The following TET2 variants were observed in gnomAD, a reference collection of about 807,000 sequenced individuals.
The protein encoded by TET2 is methylcytosine dioxygenase TET2.
In TET2, 299 loss-of-function variants were observed where a neutral mutation model predicts 142.9. That is an observed-to-expected ratio of 2.09 (90% confidence interval 1.90 to 2.30). The LOEUF (loss-of-function observed/expected upper bound fraction) is 2.30, where lower values mean the gene tolerates loss of function less well. Ranked by LOEUF, TET2 falls within the 30% of genes most tolerant of loss-of-function variation. The pLI, the probability that TET2 is intolerant of heterozygous loss-of-function variation, is 0.00. For missense variants in TET2, 2,418 were observed against 2,378.0 expected (o/e 1.02, Z -0.35); for synonymous variants, 819 against 849.0 (o/e 0.96, Z 0.61).
At chr4:105,274,749 G>C (rs966086494) in intron 10 of TET2, among the ~76,000 whole-genome samples, 1 of 152,118 alleles carries the variant, frequency 6.6e-6, no homozygotes, top group Non-Finnish European at 1.5e-5. Context: ...GGAGGAAAAG[G>C]GAGGCACTTC....
intron 2 of TET2, among the ~76,000 whole-genome samples, chr4:105,218,695 C>A (rs1727637737): frequency 6.6e-6 from 1 of 151,992 alleles, no homozygotes; most frequent in Non-Finnish European, 1.5e-5. Flanking sequence ...CAAAACTCAG[C>A]ATTCTTGTTC....
chr4:105,222,577 G>T (rs1578648060), intron 2 of TET2, among the ~76,000 whole-genome samples: 1 of 152,092 alleles, frequency 6.6e-6, no homozygotes, highest in African/African-American at 2.4e-5. Context: ...TTTTTTTCTT[G>T]TAAATTTGTT....
At chr4:105,250,371 C>T (rs1029434426) in intron 6 of TET2, among the ~76,000 whole-genome samples, 1 of 123,266 alleles carries the variant, frequency 8.1e-6, no homozygotes, top group Non-Finnish European at 1.7e-5. Flanking sequence ...TTCTCCGTTT[C>T]CTTTCTGGAT....
In TET2 at chr4:105,276,626, C is replaced by A; in HGVS notation, c.*107C>A. 7.7e-7 allele frequency: 1 copy of A among 1,293,658 alleles called. No individual in the cohort carries two copies. The highest frequency in any genetic ancestry group is 1.0e-6 in the Non-Finnish European group (1 of 961,582). 80.1% of individuals were successfully genotyped at this position (1,293,658 alleles called of 1,614,324 possible). A position where few individuals can be genotyped will look rare whatever the true frequency, so the allele number is the denominator to read the frequency against. ...TGGGGAAAGGTCACAGTATTCATGA[C>A]AAATGTGGTGGGAAAAACCTCAGCT... On this transcript the variant is annotated 3_prime_UTR_variant, in exon 11 of 11. Coordinates refer to ENST00000380013, the MANE Select transcript of TET2 (RefSeq NM_001127208.3).
chr4:105,183,037 G>A (rs955408446), intron 1 of TET2, among the ~76,000 whole-genome samples: 5 of 152,080 alleles, frequency 3.3e-5, no homozygotes, highest in African/African-American at 9.7e-5. Flanking sequence ...CCCAAAATAC[G>A]AAAAATAAAA....
At chr4:105,216,317 T>TATTG (rs1454841125) in intron 2 of TET2, among the ~76,000 whole-genome samples, 6 of 152,142 alleles carry the variant, frequency 3.9e-5, no homozygotes, top group Non-Finnish European at 5.9e-5. Flanking sequence ...TTGCTTTGAA[T>TATTG]TTTAATCAAA....
chr4:105,153,239 A>G (rs1007342169), intron 1 of TET2, among the ~76,000 whole-genome samples: 2 of 152,246 alleles, frequency 1.3e-5, no homozygotes, highest in Admixed American at 1.3e-4. Context: ...CTATAATATC[A>G]TATCACAACC....
At position 105,236,489 on chromosome 4, in the gene TET2, A is replaced by G; in HGVS notation, c.2547A>G (p.Thr849=). Residue 849 remains threonine, a synonymous_variant, in exon 3 of 11, where the codon ACA becomes ACG. Transcript: ENST00000380013. ...HLVSENKEQT[T]HPELFAGNKT... ...TTTCAGAGAATAAAGAACAGACTAC[A>G]CATCCTGAACTTTTTGCAGGAAACA... The G allele has an allele frequency of 6.2e-7, 1 of 1,614,146 alleles. No individual in the cohort carries two copies. Among genetic ancestry groups the G allele is most frequent in the Non-Finnish European group, 8.5e-7 (1 of 1,180,024 alleles).
chr4:105,172,085 G>A (rs920298692), intron 1 of TET2, among the ~76,000 whole-genome samples: 1 of 152,158 alleles, frequency 6.6e-6, no homozygotes, highest in African/African-American at 2.4e-5. Context: ...AAATTTCACT[G>A]AACTTTGAGC....
intron 6 of TET2, among the ~76,000 whole-genome samples, chr4:105,257,849 A>G (rs756890210): frequency 6.6e-6 from 1 of 152,180 alleles, no homozygotes; most frequent in Non-Finnish European, 1.5e-5. Context: ...GCCTCTGTGG[A>G]AAAGGTGGTT....
At chr4:105,217,649 T>C (rs1301428223) in intron 2 of TET2, among the ~76,000 whole-genome samples, 1 of 152,032 alleles carries the variant, frequency 6.6e-6, no homozygotes, top group Non-Finnish European at 1.5e-5. Context: ...TTAAAGAAAG[T>C]TTTAAATTAG....
chr4:105,153,970 T>C (rs1723438547), intron 1 of TET2, among the ~76,000 whole-genome samples: 1 of 152,196 alleles, frequency 6.6e-6, no homozygotes, highest in Admixed American at 6.5e-5. Context: ...GAAATATTAT[T>C]AAGTAGTATA....
intron 4 of TET2, chr4:105,241,802 G>A (rs1578688753): frequency 1.6e-6 from 2 of 1,249,158 alleles, no homozygotes; most frequent in East Asian, 3.1e-5. Context: ...GGTAAAGTGT[G>A]GTATAAGAAA....
chr4:105,227,496 C>A lies in TET2; in HGVS notation c.-46-6401C>A, dbSNP rs549993357. 5.4e-5 allele frequency among the ~76,000 whole-genome samples: 7 copies of A among 129,136 alleles called. No individual in the cohort carries two copies. The South Asian group carries it at 6.3e-4, about 12-fold the overall frequency. The allele number at this position is 129,136 out of a possible 152,430, so 84.7% of individuals were successfully genotyped here. ...CATACAGTGAATTACAATGTGTAGA[C>A]CTTCAATAGCAAGGTGTTTGAATAT... is the stretch of plus-strand genomic sequence containing the variant. On this transcript the variant is annotated intron_variant, in intron 2 of 10. Transcript: ENST00000380013.
intron 2 of TET2, among the ~76,000 whole-genome samples, chr4:105,200,200 C>G (rs780618646): frequency 2.0e-5 from 3 of 152,062 alleles, no homozygotes; most frequent in Admixed American, 1.3e-4. Context: ...ACCTCACTAA[C>G]GTGTTATTTT....
chr4:105,256,629 T>A (rs888243428), intron 6 of TET2, among the ~76,000 whole-genome samples: 9 of 152,204 alleles, frequency 5.9e-5, no homozygotes, highest in Non-Finnish European at 1.2e-4. Context: ...TGTAGATTGA[T>A]GTTGTTCATC....
chr4:105,219,126 A>G (rs1172944103), intron 2 of TET2, among the ~76,000 whole-genome samples: 1 of 152,094 alleles, frequency 6.6e-6, no homozygotes, highest in African/African-American at 2.4e-5. Context: ...TAGAACTGAT[A>G]CATATTGAAA....
intron 6 of TET2, among the ~76,000 whole-genome samples, chr4:105,257,846 TG>T (rs1352227196): frequency 6.6e-6 from 1 of 152,154 alleles, no homozygotes; most frequent in Non-Finnish European, 1.5e-5. Context: ...AATGCCTCTG[TG>T]GAAAAGGTGG....
chr4:105,229,402 C>T (rs1490733330), intron 2 of TET2, among the ~76,000 whole-genome samples: 1 of 152,212 alleles, frequency 6.6e-6, no homozygotes, highest in African/African-American at 2.4e-5. Context: ...CCTCCGCCTC[C>T]TGGGTTCAAA....
Sources: gnomAD v4.1 joint callset for allele counts (sites outside exome capture counted in the v4.1 genomes callset) on GRCh38, gnomAD v4.1.1 for gene constraint, MANE v1.5 for transcripts, NCBI Gene and HGNC (gene_info 2026-07-23, HGNC 2026-07-21) for gene names.